The following UVRAG variants were observed in gnomAD, a reference collection of about 807,000 sequenced individuals.
UVRAG encodes UV radiation resistance associated, also known as UV radiation resistance-associated gene protein.
UVRAG carries 19 observed loss-of-function variants against 78.0 expected under a neutral mutation model. The ratio of observed to expected loss-of-function variants is 0.24; its 90% CI spans 0.17 to 0.36. The LOEUF is 0.36. Among genes scored for constraint, UVRAG ranks in the 10% least tolerant of loss-of-function variants. The pLI is 1.00. For synonymous variants in UVRAG, 323 were observed against 324.6 expected (o/e 1.00, Z 0.05); for missense variants, 740 against 853.8 (o/e 0.87, Z 1.66).
At chr11:75,861,568 A>C (rs549067724) in intron 2 of UVRAG, among the ~76,000 whole-genome samples, 178 bp from the exon 3 acceptor site, 1 of 149,034 alleles carries the variant, frequency 6.7e-6, no homozygotes, top group East Asian at 1.9e-4. Context: ...CCTTTAAAAC[A>C]CTTTCATTGA....
intron 14 of UVRAG, among the ~76,000 whole-genome samples, chr11:76,132,751 C>T (rs1186486010): frequency 6.6e-6 from 1 of 152,024 alleles, no homozygotes; most frequent in East Asian, 1.9e-4. Flanking sequence ...GTCAAAAGAG[C>T]AACACAAACT....
At chr11:76,011,410 G>T (rs560155495) in intron 11 of UVRAG, among the ~76,000 whole-genome samples, 140 of 152,240 alleles carry the variant, frequency 9.2e-4, no homozygotes, top group Non-Finnish European at 1.7e-3. Context: ...GATCATTTGA[G>T]GTCAAGAGTT....
At chr11:75,970,370 A>C (rs796829234) in intron 7 of UVRAG, among the ~76,000 whole-genome samples, 15 of 152,336 alleles carry the variant, frequency 9.8e-5, no homozygotes, top group African/African-American at 3.6e-4. Flanking sequence ...GTATTCAGTA[A>C]AATTGATTTT....
chr11:76,043,405 T>C (rs570937668), intron 12 of UVRAG, among the ~76,000 whole-genome samples: 2 of 152,334 alleles, frequency 1.3e-5, no homozygotes, highest in South Asian at 4.1e-4. Flanking sequence ...GGGCTTTTAC[T>C]GTGTATAAGC....
intron 13 of UVRAG, among the ~76,000 whole-genome samples, chr11:76,092,838 A>T (rs970221089): frequency 7.9e-5 from 12 of 152,146 alleles, no homozygotes; most frequent in Non-Finnish European, 1.3e-4. Flanking sequence ...TCTTTAGTTT[A>T]ACTGGATCCC....
chr11:75,849,954 C>G (rs1035824522), intron 1 of UVRAG, among the ~76,000 whole-genome samples: 1 of 152,174 alleles, frequency 6.6e-6, no homozygotes, highest in African/African-American at 2.4e-5. Context: ...CCTTGCAGCC[C>G]CTGGAGAGCC....
At chr11:75,820,447 C>T (rs893390660) in intron 1 of UVRAG, among the ~76,000 whole-genome samples, 1 of 150,840 alleles carries the variant, frequency 6.6e-6, no homozygotes, top group African/African-American at 2.4e-5. Context: ...CTCCGCCTTT[C>T]AGGTTCAAGC....
intron 14 of UVRAG, among the ~76,000 whole-genome samples, chr11:76,116,654 G>A (rs939112019): frequency 2.0e-5 from 3 of 152,334 alleles, no homozygotes; most frequent in African/African-American, 7.2e-5. Context: ...GTTGTTGGCT[G>A]TATCCATTTA....
At chr11:76,063,800 T>A (rs913662578) in intron 12 of UVRAG, among the ~76,000 whole-genome samples, 1 of 152,226 alleles carries the variant, frequency 6.6e-6, no homozygotes, top group Non-Finnish European at 1.5e-5. Flanking sequence ...AGCTTGCTAA[T>A]GTAATTCTCC....
chr11:75,953,460 T>C (rs193256591), intron 6 of UVRAG, among the ~76,000 whole-genome samples: 13 of 152,302 alleles, frequency 8.5e-5, no homozygotes, highest in African/African-American at 3.1e-4. Flanking sequence ...ACATCTGTCT[T>C]TCCTGTATTT....
At chr11:75,846,969 G>A (rs1368515030) in intron 1 of UVRAG, among the ~76,000 whole-genome samples, 1 of 152,082 alleles carries the variant, frequency 6.6e-6, no homozygotes. Flanking sequence ...GATTACAGGT[G>A]TGTGCCACCA....
intron 5 of UVRAG, among the ~76,000 whole-genome samples, chr11:75,905,845 T>C (rs1947602833): frequency 1.3e-5 from 2 of 152,198 alleles, no homozygotes; most frequent in African/African-American, 4.8e-5. Flanking sequence ...TGCTGGGTCA[T>C]ATTATAATTC....
intron 12 of UVRAG, among the ~76,000 whole-genome samples, chr11:76,048,796 G>T (rs1003261260): frequency 6.6e-6 from 1 of 152,178 alleles, no homozygotes; most frequent in South Asian, 2.1e-4. Flanking sequence ...AAGTTTTTAG[G>T]CTTTTTATGA....
At chr11:75,870,758 A>G (rs1484026309) in intron 3 of UVRAG, among the ~76,000 whole-genome samples, 1 of 151,978 alleles carries the variant, frequency 6.6e-6, no homozygotes, top group Non-Finnish European at 1.5e-5. Context: ...TAGTTTAATT[A>G]CTTTTTATTG....
chr11:75,839,354 A>G (rs563662684), intron 1 of UVRAG, among the ~76,000 whole-genome samples: 2 of 152,144 alleles, frequency 1.3e-5, no homozygotes, highest in South Asian at 4.1e-4. Flanking sequence ...TAGCTTCTGA[A>G]TATCATTTTT....
At chr11:75,823,232 A>G (rs1945438665) in intron 1 of UVRAG, among the ~76,000 whole-genome samples, 1 of 152,194 alleles carries the variant, frequency 6.6e-6, no homozygotes, top group South Asian at 2.1e-4. Flanking sequence ...AGTGTTTGTC[A>G]GGTTTCTCTG....
At chr11:75,882,797 AT>A (rs929691693) in intron 4 of UVRAG, among the ~76,000 whole-genome samples, 8 of 151,984 alleles carry the variant, frequency 5.3e-5, no homozygotes, top group East Asian at 3.9e-4. Flanking sequence ...CTTTTAACAT[AT>A]TTTTTTTATT....
intron 12 of UVRAG, among the ~76,000 whole-genome samples, chr11:76,064,102 T>A (rs913618912): frequency 2.6e-5 from 4 of 152,232 alleles, no homozygotes; most frequent in African/African-American, 9.6e-5. Context: ...AAGTCAAATG[T>A]TGTGAAATCA....
intron 6 of UVRAG, among the ~76,000 whole-genome samples, chr11:75,919,123 A>T (rs1947921273): frequency 6.6e-6 from 1 of 152,238 alleles, no homozygotes; most frequent in Non-Finnish European, 1.5e-5. Context: ...TATCAATAGC[A>T]TAGTGTTTAG....
Sources: gnomAD v4.1 joint callset for allele counts (sites outside exome capture counted in the v4.1 genomes callset) on GRCh38, gnomAD v4.1.1 for gene constraint, MANE v1.5 for transcripts, NCBI Gene and HGNC (gene_info 2026-07-23, HGNC 2026-07-21) for gene names.